The following TUBA1B variants were observed in gnomAD, a reference collection of about 807,000 sequenced individuals.
TUBA1B encodes the protein tubulin alpha-1B chain.
Under a neutral mutation model 34.4 loss-of-function variants are expected in TUBA1B, and 1 was observed. The observed-to-expected ratio is 0.03, with a 90% CI of 0.01 to 0.14. The LOEUF (loss-of-function observed/expected upper bound fraction) is 0.14. TUBA1B is among the 10% of genes least tolerant of loss of function. TUBA1B has a pLI of 1.00. For synonymous variants in TUBA1B, 197 were observed against 212.5 expected, an observed-to-expected ratio of 0.93 and a Z score of 0.64; for missense variants, 54 against 583.6, an observed-to-expected ratio of 0.09 and a Z score of 9.35.
Position 49,128,590 on chromosome 12 carries a change from G to A in TUBA1B, c.724C>T (p.Leu242=), listed in dbSNP as rs1476398286. 4 of 1,612,376 alleles carry A rather than the reference G, an allele frequency of 2.5e-6. No homozygotes were observed. The highest frequency in any genetic ancestry group is 3.4e-6 in the Non-Finnish European group (4 of 1,179,262). ...ACATTCAGGGCTCCATCAAATCTCA[G>A]GGAAGCAGTGATGGAGGACACAATC... ...SQIVSSITAS[L]RFDGALNVDL... Residue 242 remains leucine, a synonymous_variant, in exon 4 of 4, where the codon CTG becomes TTG. Coordinates refer to ENST00000336023, the MANE Select transcript of TUBA1B (RefSeq NM_006082.3). The surrounding 1 kb of genome is among the most constrained non-coding windows in gnomAD (Gnocchi z 8.1).
In TUBA1B at chr12:49,131,309, G is replaced by C; in HGVS notation, c.-9C>G. 1.2e-6 allele frequency: 2 copies of C among 1,611,084 alleles called. No individual in the cohort carries two copies. Among genetic ancestry groups the C allele is most frequent in the Non-Finnish European group, 1.7e-6 (2 of 1,178,872 alleles). Reference sequence around the variant, plus strand: ...CACGGCTTACTCACCATAGTGGCTAGGGATTAGGAGGCGAAGGCGACAGGA... The same window carrying C: ...CACGGCTTACTCACCATAGTGGCTACGGATTAGGAGGCGAAGGCGACAGGA... On this transcript the variant is annotated 5_prime_UTR_variant, in exon 1 of 4. Transcript: ENST00000336023.
intron 1 of TUBA1B, chr12:49,130,350 G>A: frequency 1.6e-6 from 2 of 1,289,184 alleles, no homozygotes; most frequent in African/African-American, 1.5e-5. Context: ...GGGCTCTGCG[G>A]CACAGGATGA....
Position 49,127,840 on chromosome 12 carries a change from G to GA in TUBA1B, c.*117dup. The GA allele has an allele frequency of 6.8e-7, 1 of 1,473,134 alleles. No individual in the cohort carries two copies. The highest frequency in any genetic ancestry group is 1.3e-5 in the South Asian group (1 of 79,706). The allele number at this position is 1,473,134 out of a possible 1,614,324, so 91.3% of individuals were successfully genotyped here. Reference sequence around the variant, plus strand: ...TGGAAAAATATTACAGGTACACATGGAAAAGACATGATCACCAAGTGAAAA... The same window carrying GA: ...TGGAAAAATATTACAGGTACACATGGAAAAAGACATGATCACCAAGTGAAAA... On this transcript the variant is annotated 3_prime_UTR_variant, in exon 4 of 4. Transcript: ENST00000336023.
intron 1 of TUBA1B, chr12:49,130,629 G>T: frequency 2.9e-6 from 1 of 344,496 alleles, no homozygotes; most frequent in South Asian, 2.2e-5. Context: ...AGAGACAGGT[G>T]GCCTCTACAG....
intron 1 of TUBA1B, chr12:49,130,953 G>A (rs1192900222): frequency 4.2e-6 from 1 of 240,870 alleles, no homozygotes; most frequent in Non-Finnish European, 8.4e-6. Flanking sequence ...CCAAGGCGGA[G>A]TAAGGGCATG....
Position 49,127,885 on chromosome 12 carries a change from T to C in TUBA1B, c.*73A>G. ...TGAAAACAATCTAACCAGAAAGCTT[T>C]AACGTCTGTCAGTTAAGCTGAAGCT... On this transcript the variant is annotated 3_prime_UTR_variant, in exon 4 of 4. Transcript: ENST00000336023. 1 of 1,607,328 alleles carries C rather than the reference T, an allele frequency of 6.2e-7. No homozygotes were observed. The highest frequency in any genetic ancestry group is 1.1e-5 in the South Asian group (1 of 90,488).
At chr12:49,130,021 CCTTTTCTAAAGCGAT>C (rs2067843755) in intron 1 of TUBA1B, 3 of 1,130,206 alleles carry the variant, frequency 2.7e-6, no homozygotes, top group African/African-American at 3.2e-5. Flanking sequence ...AAACGAATTT[CCTTTTCTAAAGCGAT>C]CTTTTCTAAA....
At position 49,131,343 on chromosome 12, in the gene TUBA1B, C is replaced by G; in HGVS notation, c.-43G>C. 6.2e-7 allele frequency: 1 copy of G among 1,608,200 alleles called. No homozygotes were observed. Among genetic ancestry groups the G allele is most frequent in the South Asian group, 1.1e-5 (1 of 90,144 alleles). ...AGGCGAAGGCGACAGGAGCAGACAC[C>G]GGGTCCCGGTTACCGTCCCCGACAA... is the stretch of plus-strand genomic sequence containing the variant. On this transcript the variant is annotated 5_prime_UTR_variant, in exon 1 of 4. Coordinates refer to ENST00000336023, the MANE Select transcript of TUBA1B (RefSeq NM_006082.3).
chr12:49,131,151 C>T (rs1941802683), intron 1 of TUBA1B, 147 bp downstream of exon 1: 2 of 1,009,638 alleles, frequency 2.0e-6, no homozygotes, highest in Non-Finnish European at 1.5e-6. Context: ...TCACCACTCC[C>T]GCCCTGGCCT....
In TUBA1B at chr12:49,129,362, C is replaced by T. The variant is rs1941775696; in HGVS notation, c.255G>A (p.Gln85=). 6.2e-7 allele frequency: 1 copy of T among 1,614,170 alleles called. No individual in the cohort carries two copies. The highest frequency in any genetic ancestry group is 8.5e-7 in the Non-Finnish European group (1 of 1,180,006). ...TGATGAGCTGCTCAGGGTGGAAGAGCTGGCGGTAGGTGCCAGTGCGAACTT... is the reference window on the plus strand; with the variant it reads ...TGATGAGCTGCTCAGGGTGGAAGAGTTGGCGGTAGGTGCCAGTGCGAACTT... The part of the protein sequence containing the change: ...IDEVRTGTYR[Q]LFHPEQLITG... The change falls in exon 3 of 4, where the codon CAG becomes CAA. Residue 85 remains glutamine (Q), a synonymous_variant. Transcript: ENST00000336023.
chr12:49,129,966 G>A, intron 1 of TUBA1B: 2 of 1,004,914 alleles, frequency 2.0e-6, no homozygotes, highest in African/African-American at 1.6e-5. Flanking sequence ...TTTTTTTGTG[G>A]AGATGAGGTC....
intron 1 of TUBA1B, chr12:49,130,423 C>A (rs1248629232): frequency 8.3e-7 from 1 of 1,209,012 alleles, no homozygotes; most frequent in Non-Finnish European, 1.1e-6. Flanking sequence ...ACGAAATGGC[C>A]ACGTCTGCAA....
In TUBA1B at chr12:49,127,818, A is replaced by G. The variant is rs1941763700; in HGVS notation, c.*140T>C. The stretch of plus-strand genomic sequence containing the variant: ...ATGACTTTACTTTGAGATATGATGG[A>G]AAAATATTACAGGTACACATGGAAA... On this transcript the variant is annotated 3_prime_UTR_variant, in exon 4 of 4. Coordinates refer to ENST00000336023, the MANE Select transcript of TUBA1B (RefSeq NM_006082.3). 8.2e-6 allele frequency: 11 copies of G among 1,344,532 alleles called. No individual in the cohort carries two copies. The highest frequency in any genetic ancestry group is 2.9e-5 in the African/African-American group (2 of 67,798). 83.3% of individuals were successfully genotyped at this position (1,344,532 alleles called of 1,614,324 possible). A position where few individuals can be genotyped will look rare whatever the true frequency, so the allele number is the denominator to read the frequency against.
chr12:49,130,302 A>T, intron 1 of TUBA1B: 1 of 1,289,230 alleles, frequency 7.8e-7, no homozygotes, highest in Non-Finnish European at 1.0e-6. Context: ...TGGCCAGACC[A>T]GCGCAGAAGA....
Position 49,131,368 on chromosome 12 carries a change from A to G in TUBA1B, c.-68T>C, listed in dbSNP as rs886277330. On this transcript the variant is annotated 5_prime_UTR_variant, in exon 1 of 4. Transcript: ENST00000336023. ...CGGGTCCCGGTTACCGTCCCCGACAAGCTAAGAGTCGAGGTAAGTAACGCA... is the reference window on the plus strand; with the variant it reads ...CGGGTCCCGGTTACCGTCCCCGACAGGCTAAGAGTCGAGGTAAGTAACGCA... 24 of 1,587,436 alleles carry G rather than the reference A, an allele frequency of 1.5e-5. No homozygotes were observed. The highest frequency in any genetic ancestry group is 8.7e-5 in the Admixed American group (5 of 57,562).
At chr12:49,129,834 G>A in intron 1 of TUBA1B, 112 bp from the exon 2 acceptor site, 2 of 1,507,070 alleles carry the variant, frequency 1.3e-6, no homozygotes, top group South Asian at 1.2e-5. Flanking sequence ...CTGTCGCCCA[G>A]GCTTGAGTGC....
intron 3 of TUBA1B, 116 bp from the exon 4 acceptor site, chr12:49,129,054 G>C (rs1941772488): frequency 2.6e-6 from 4 of 1,514,986 alleles, no homozygotes; most frequent in Non-Finnish European, 3.5e-6. Flanking sequence ...CAAGGAATTG[G>C]CAAAACAGAC....
intron 1 of TUBA1B, chr12:49,130,328 G>A: frequency 7.8e-7 from 1 of 1,289,224 alleles, no homozygotes; most frequent in Non-Finnish European, 1.0e-6. Flanking sequence ...CTGTCCGCAG[G>A]GACAAGGGGC....
In TUBA1B at chr12:49,129,887, C is replaced by T. The variant is rs1941781493; in HGVS notation, c.4-165G>A. The T allele has an allele frequency of 1.2e-5, 15 of 1,240,986 alleles. No homozygotes were observed. The South Asian group carries it at 2.2e-4, about 18-fold the overall frequency. The allele number at this position is 1,240,986 out of a possible 1,614,324, so 76.9% of individuals were successfully genotyped here. On this transcript the variant is annotated intron_variant, in intron 1 of 3. Coordinates refer to ENST00000336023, the MANE Select transcript of TUBA1B (RefSeq NM_006082.3). ...TCACTGCAGCCTAGGCTCCAGTCAT[C>T]CCCCCACCTCAGCCTCTGGAGCAGC... is the stretch of plus-strand genomic sequence containing the variant.
Sources: gnomAD v4.1 joint callset for allele counts on GRCh38, gnomAD v4.1.1 for gene constraint, Gnocchi (gnomAD v3.1) non-coding constraint, MANE v1.5 for transcripts, NCBI Gene and HGNC (gene_info 2026-07-23, HGNC 2026-07-21) for gene names.